EXOC6: variants seen among roughly 807,000 people sequenced by gnomAD.
EXOC6 encodes the protein SEC15-like 1.
EXOC6 carries 60 observed loss-of-function variants against 112.5 expected under a neutral mutation model. The observed-to-expected ratio is 0.53, with a 90% CI of 0.43 to 0.66. EXOC6 has a LOEUF of 0.66. Among genes scored for constraint, EXOC6 ranks in the 30% least tolerant of loss-of-function variants. EXOC6 has a pLI of 0.00. For missense variants in EXOC6, 855 were observed against 957.1 expected (o/e 0.89, Z 1.41); for synonymous variants, 295 against 308.0 (o/e 0.96, Z 0.44).
intron 1 of EXOC6, among the ~76,000 whole-genome samples, chr10:92,863,740 G>A (rs917393139): frequency 1.8e-4 from 28 of 151,816 alleles, no homozygotes; most frequent in African/African-American, 5.1e-4. Context: ...GTGAAACCCC[G>A]TCTCTACTAA....
intron 1 of EXOC6, among the ~76,000 whole-genome samples, chr10:92,855,167 C>G (rs1589703835): frequency 6.6e-6 from 1 of 152,158 alleles, no homozygotes; most frequent in East Asian, 1.9e-4. Context: ...GTCCTCCTAC[C>G]TTAGCCTCCC....
chr10:93,019,215 A>G (rs2134252130), intron 20 of EXOC6, among the ~76,000 whole-genome samples: 1 of 152,302 alleles, frequency 6.6e-6, no homozygotes, highest in African/African-American at 2.4e-5. Context: ...CCAGGGCTCA[A>G]GCAATCCACC....
intron 20 of EXOC6, among the ~76,000 whole-genome samples, chr10:93,033,657 C>T (rs1397326786): frequency 2.0e-5 from 3 of 152,074 alleles, no homozygotes; most frequent in Non-Finnish European, 2.9e-5. Context: ...ATAAATTAAG[C>T]GTTTGTTAGT....
chr10:92,842,360 GAA>G (rs34778339), intron 1 of EXOC6, among the ~76,000 whole-genome samples: 45,841 of 106,878 alleles, frequency 0.43, 8,441 homozygotes, highest in Middle Eastern at 0.57. Flanking sequence ...CTCTGTCTCA[GAA>G]AAAAAAAAAA....
chr10:92,980,460 A>G (rs1035966984), intron 18 of EXOC6, among the ~76,000 whole-genome samples: 2 of 134,512 alleles, frequency 1.5e-5, no homozygotes, highest in Non-Finnish European at 3.2e-5. Context: ...TTTTAAAACT[A>G]TAGTATTAGT....
At chr10:92,829,638 C>A (rs1846441791) in intron 1 of EXOC6, among the ~76,000 whole-genome samples, 1 of 152,162 alleles carries the variant, frequency 6.6e-6, no homozygotes, top group Non-Finnish European at 1.5e-5. Context: ...GCATTTGAAT[C>A]AGAGTGACTC....
chr10:93,048,175 A>G (rs1439844577), intron 20 of EXOC6, among the ~76,000 whole-genome samples: 1 of 152,098 alleles, frequency 6.6e-6, no homozygotes, highest in African/African-American at 2.4e-5. Flanking sequence ...ATGACGAGTT[A>G]ATGGGTGCAG....
chr10:92,893,587 C>A, intron 2 of EXOC6, 67 bp downstream of exon 2: 1 of 1,293,126 alleles, frequency 7.7e-7, no homozygotes, highest in Non-Finnish European at 1.1e-6. Context: ...GTTGATAGTA[C>A]ATATGTACAA....
At chr10:92,965,370 A>G (rs1391382070) in intron 17 of EXOC6, among the ~76,000 whole-genome samples, 3 of 152,112 alleles carry the variant, frequency 2.0e-5, no homozygotes, top group Non-Finnish European at 2.9e-5. Context: ...ATTTTTTTTA[A>G]AAGTTCTCAA....
intron 18 of EXOC6, among the ~76,000 whole-genome samples, chr10:92,975,202 G>A (rs1267866215): frequency 6.7e-6 from 1 of 149,572 alleles, no homozygotes; most frequent in Non-Finnish European, 1.5e-5. Context: ...GATGTGGGGA[G>A]CGCCTCTGCC....
intron 19 of EXOC6, among the ~76,000 whole-genome samples, chr10:93,007,260 G>C (rs1304119687): frequency 2.0e-5 from 3 of 147,360 alleles, no homozygotes; most frequent in Non-Finnish European, 1.5e-5. Flanking sequence ...TAGATCCTGA[G>C]GGGAAGGGCC....
intron 1 of EXOC6, among the ~76,000 whole-genome samples, chr10:92,837,133 CACAA>C (rs1203806003): frequency 1.3e-5 from 2 of 151,654 alleles, no homozygotes; most frequent in Non-Finnish European, 2.9e-5. Context: ...CACACACACA[CACAA>C]GCCAGAACAA....
intron 17 of EXOC6, among the ~76,000 whole-genome samples, chr10:92,971,720 A>G (rs1221158272): frequency 6.6e-6 from 1 of 152,140 alleles, no homozygotes; most frequent in African/African-American, 2.4e-5. Flanking sequence ...ATGTATTCTC[A>G]TAATTTTCTT....
At chr10:93,006,554 G>A (rs1018289894) in intron 19 of EXOC6, among the ~76,000 whole-genome samples, 8 of 152,114 alleles carry the variant, frequency 5.3e-5, no homozygotes, top group African/African-American at 1.7e-4. Context: ...GTTGCTGACC[G>A]CATACAGCAG....
chr10:92,833,691 CA>C (rs199666875), upstream of EXOC6, among the ~76,000 whole-genome samples: 25 of 150,126 alleles, frequency 1.7e-4, no homozygotes, highest in Non-Finnish European at 2.5e-4. Context: ...CTGATAAAAA[CA>C]AAAAAAAATA....
chr10:92,960,282 A>G (rs1853912147), intron 17 of EXOC6, among the ~76,000 whole-genome samples: 1 of 152,214 alleles, frequency 6.6e-6, no homozygotes, highest in African/African-American at 2.4e-5. Flanking sequence ...GTATGATTGC[A>G]ACTATGTGAC....
intron 6 of EXOC6, among the ~76,000 whole-genome samples, chr10:92,912,931 G>T (rs185050757): frequency 1.3e-4 from 20 of 152,250 alleles, no homozygotes; most frequent in African/African-American, 4.3e-4. Context: ...CCAGAGCTAT[G>T]AACATCTGCT....
At chr10:92,876,850 C>T (rs1226532530) in intron 1 of EXOC6, among the ~76,000 whole-genome samples, 2 of 152,066 alleles carry the variant, frequency 1.3e-5, no homozygotes, top group East Asian at 3.8e-4. Flanking sequence ...CATTTCTCAA[C>T]GATGGAAAAA....
chr10:92,975,587 G>A (rs1471882495), intron 18 of EXOC6, among the ~76,000 whole-genome samples: 9 of 137,440 alleles, frequency 6.5e-5, no homozygotes, highest in Admixed American at 1.4e-4. Context: ...CCCCCTGCCC[G>A]GCCAGCCGCC....
Sources: allele counts gnomAD v4.1 joint callset (sites outside exome capture counted in the v4.1 genomes callset), GRCh38; gene constraint gnomAD v4.1.1; transcripts MANE v1.5; gene names NCBI Gene and HGNC (gene_info 2026-07-23, HGNC 2026-07-21).